The following ZFP69B variants were observed in gnomAD, a reference collection of about 807,000 sequenced individuals.
ZFP69B encodes zinc finger protein 69 homolog B.
Under a neutral mutation model 19.7 loss-of-function variants are expected in ZFP69B, and 20 were observed. The observed-to-expected ratio is 1.02, with a 90% CI of 0.71 to 1.48. The LOEUF (loss-of-function observed/expected upper bound fraction) is 1.48, where lower values mean the gene tolerates loss of function less well. Among genes scored for constraint, ZFP69B ranks in the 40% most tolerant of loss-of-function variants. ZFP69B has a pLI of 0.00. For missense variants in ZFP69B, 583 were observed against 632.6 expected (o/e 0.92, Z 0.84); for synonymous variants, 220 against 222.7 (o/e 0.99, Z 0.11).
rs143377630 is a variant in ZFP69B at position 40,462,816 on chromosome 1, A to G, written c.832A>G (p.Thr278Ala). The G allele has an allele frequency of 1.2e-6, 2 of 1,613,412 alleles. No individual in the cohort carries two copies. Among genetic ancestry groups the G allele is most frequent in the African/African-American group, 2.7e-5 (2 of 74,956 alleles). The change falls in exon 5 of 5, where the codon ACC (threonine) becomes GCC (alanine). Residue 278 changes from threonine to alanine, a missense_variant. Transcript: ENST00000361584. ...NHSRSYTKMK[T>A]FECNICEKIF... ...TTCAAGGAGTTATACAAAAATGAAA[A>G]CCTTTGAGTGTAATATTTGTGAAAA...
rs1645177398 is a variant in ZFP69B at position 40,450,735 on chromosome 1, G to C, written c.-227G>C. On this transcript the variant is annotated 5_prime_UTR_variant, in exon 1 of 5. Transcript: ENST00000361584. ...GAGACAGATGGAGCTCAAGTTGGGA[G>C]ATACGCCCTGAGAGCCGATGATAGA... 1 of 331,822 alleles carries C rather than the reference G, an allele frequency of 3.0e-6. No individual in the cohort carries two copies. The allele number at this position is 331,822 out of a possible 1,614,324, so 20.6% of individuals were successfully genotyped here.
At chr1:40,458,322 CTCTCA>C (rs1645252700) in intron 4 of ZFP69B, among the ~76,000 whole-genome samples, 1 of 152,068 alleles carries the variant, frequency 6.6e-6, no homozygotes, top group Admixed American at 6.6e-5. Context: ...TCCTCTATTT[CTCTCA>C]TTGCTTTTTC....
At chr1:40,452,366 G>C (rs890328265) in intron 1 of ZFP69B, among the ~76,000 whole-genome samples, 3 of 152,160 alleles carry the variant, frequency 2.0e-5, no homozygotes, top group Non-Finnish European at 2.9e-5. Context: ...TGCAGATACT[G>C]TAATATAAAG....
At chr1:40,459,340 T>C (rs1645261740) in intron 4 of ZFP69B, among the ~76,000 whole-genome samples, 1 of 152,192 alleles carries the variant, frequency 6.6e-6, no homozygotes, top group African/African-American at 2.4e-5. Flanking sequence ...ATTTATGACA[T>C]CTCCACATAG....
At chr1:40,454,794 C>A (rs1557505742) in intron 2 of ZFP69B, among the ~76,000 whole-genome samples, 1 of 152,138 alleles carries the variant, frequency 6.6e-6, no homozygotes, top group Non-Finnish European at 1.5e-5. Flanking sequence ...CCACAGGAAA[C>A]CTCTTGTTTT....
At chr1:40,453,517 G>A (rs1645204807) in intron 1 of ZFP69B, among the ~76,000 whole-genome samples, 1 of 152,138 alleles carries the variant, frequency 6.6e-6, no homozygotes, top group African/African-American at 2.4e-5. Context: ...AAGGGTGTCT[G>A]GGAAAACTTT....
chr1:40,463,584 G>A lies in ZFP69B; in HGVS notation c.1600G>A (p.Val534Met). Reference sequence around the variant, plus strand: ...TTTAAGAAATACCTTCAGCAATGTTGTGTGAAATATACTAAACATCAAAGA... The same window carrying A: ...TTTAAGAAATACCTTCAGCAATGTTATGTGAAATATACTAAACATCAAAGA... ...THLRNTFSNVV is the reference protein window; with the variant it reads ...THLRNTFSNVM Residue 534 changes from valine (V) to methionine (M), a missense_variant, in exon 5 of 5, where the codon GTG (valine) becomes ATG (methionine). Transcript: ENST00000361584. 6.3e-7 allele frequency: 1 copy of A among 1,599,096 alleles called. No individual in the cohort carries two copies.
At chr1:40,457,254 T>C (rs2124418695) in intron 3 of ZFP69B, 90 bp from the exon 4 acceptor site, 1 of 1,509,468 alleles carries the variant, frequency 6.6e-7, no homozygotes. Context: ...CTGCTTTCTT[T>C]AGAAGGCCCG....
In ZFP69B at chr1:40,463,697, A is replaced by T. The variant is rs1274319097; in HGVS notation, c.*108A>T. 2.2e-6 allele frequency: 2 copies of T among 927,122 alleles called. No homozygotes were observed. The highest frequency in any genetic ancestry group is 3.3e-5 in the Admixed American group (1 of 30,494). The allele number at this position is 927,122 out of a possible 1,614,324, so 57.4% of individuals were successfully genotyped here. A position where few individuals can be genotyped will look rare whatever the true frequency, so the allele number is the denominator to read the frequency against. ...TTTTGGATTTCCAAAAACGAACATT[A>T]AAAAAAAATGGTTTGGCACAATGTT... On this transcript the variant is annotated 3_prime_UTR_variant, in exon 5 of 5. Coordinates refer to ENST00000361584, the MANE Select transcript of ZFP69B (RefSeq NM_023070.3).
At chr1:40,460,402 G>A (rs963040527) in intron 4 of ZFP69B, among the ~76,000 whole-genome samples, 1 of 152,194 alleles carries the variant, frequency 6.6e-6, no homozygotes, top group African/African-American at 2.4e-5. Flanking sequence ...GAAGGCTGAG[G>A]CAGGAGAATT....
At chr1:40,455,546 C>G (rs1435520433) in intron 2 of ZFP69B, among the ~76,000 whole-genome samples, 1 of 152,102 alleles carries the variant, frequency 6.6e-6, no homozygotes, top group Non-Finnish European at 1.5e-5. Context: ...GTTATTTCAG[C>G]CTTCCAGCTT....
intron 1 of ZFP69B, among the ~76,000 whole-genome samples, chr1:40,451,814 A>G (rs140655620): frequency 1.5e-3 from 222 of 152,296 alleles, no homozygotes; most frequent in African/African-American, 5.1e-3. Flanking sequence ...CGTGCCAATA[A>G]TGAAGGTAGA....
rs553949322 is a variant in ZFP69B, at chr1:40,463,577, C to T, written c.1593C>T (p.Ser531=). The T allele has an allele frequency of 6.2e-7, 1 of 1,603,784 alleles. No homozygotes were observed. The highest frequency in any genetic ancestry group is 1.1e-5 in the South Asian group (1 of 89,456). Residue 531 remains serine (S), a synonymous_variant, in exon 5 of 5, where the codon AGC becomes AGT. Coordinates refer to ENST00000361584, the MANE Select transcript of ZFP69B (RefSeq NM_023070.3). ...AAACACATTTAAGAAATACCTTCAGCAATGTTGTGTGAAATATACTAAACA... is the reference window on the plus strand; with the variant it reads ...AAACACATTTAAGAAATACCTTCAGTAATGTTGTGTGAAATATACTAAACA... The part of the protein sequence containing the change: ...HCKTHLRNTF[S]NVV
chr1:40,460,283 A>G (rs910469838), intron 4 of ZFP69B, among the ~76,000 whole-genome samples: 2 of 152,202 alleles, frequency 1.3e-5, no homozygotes, highest in Non-Finnish European at 2.9e-5. Flanking sequence ...AATATTTTTC[A>G]GTAGGGACAA....
chr1:40,458,626 C>T (rs1222365816), intron 4 of ZFP69B, among the ~76,000 whole-genome samples: 2 of 151,858 alleles, frequency 1.3e-5, no homozygotes, highest in African/African-American at 2.4e-5. Flanking sequence ...AAGCAATTCT[C>T]CTACCTCAGC....
chr1:40,454,235 G>C lies in ZFP69B; in HGVS notation c.160G>C (p.Gly54Arg). 6.2e-7 allele frequency: 1 copy of C among 1,605,618 alleles called. No individual in the cohort carries two copies. Among genetic ancestry groups the C allele is most frequent in the Non-Finnish European group, 8.5e-7 (1 of 1,175,180 alleles). ...LLSQDADETQ[G>R]ESLESRVTLG... Reference sequence around the variant, plus strand: ...GTCTCAGGATGCTGATGAGACCCAGGGCGAAAGTTTAGAGAGTAGAGTGAC... The same window carrying C: ...GTCTCAGGATGCTGATGAGACCCAGCGCGAAAGTTTAGAGAGTAGAGTGAC... Residue 54 changes from glycine (G) to arginine (R), a missense_variant, in exon 2 of 5, where the codon GGC (glycine) becomes CGC (arginine). Transcript: ENST00000361584.
intron 4 of ZFP69B, 37 bp downstream of exon 4, chr1:40,457,476 C>A: frequency 6.4e-7 from 1 of 1,567,462 alleles, no homozygotes; most frequent in Non-Finnish European, 8.8e-7. Context: ...GTGATGTTAG[C>A]CAGAGAATTC....
At chr1:40,459,541 A>G (rs949978128) in intron 4 of ZFP69B, among the ~76,000 whole-genome samples, 3 of 152,062 alleles carry the variant, frequency 2.0e-5, no homozygotes, top group Admixed American at 2.0e-4. Context: ...TGTTAGATCC[A>G]TTTCTACTGT....
At chr1:40,459,084 G>C (rs1645259591) in intron 4 of ZFP69B, among the ~76,000 whole-genome samples, 1 of 152,102 alleles carries the variant, frequency 6.6e-6, no homozygotes. Context: ...CTAATTCAAG[G>C]GAGATTGGGA....
Sources: allele counts gnomAD v4.1 joint callset (sites outside exome capture counted in the v4.1 genomes callset), GRCh38; gene constraint gnomAD v4.1.1; transcripts MANE v1.5; gene names NCBI Gene and HGNC (gene_info 2026-07-23, HGNC 2026-07-21).